Variants in PLEKHA5 observed in about 807,000 individuals in gnomAD.
PLEKHA5 encodes pleckstrin homology domain-containing family A member 5.
PLEKHA5 carries 55 observed loss-of-function variants against 181.9 expected under a neutral mutation model. The observed-to-expected ratio is 0.30, with a 90% CI of 0.24 to 0.38. The LOEUF (loss-of-function observed/expected upper bound fraction) is 0.38, where lower values mean the gene tolerates loss of function less well. PLEKHA5 is among the 10% of genes least tolerant of loss of function. PLEKHA5 has a pLI of 1.00. For missense variants in PLEKHA5, 1,432 were observed against 1,549.5 expected, an observed-to-expected ratio of 0.92 and a Z score of 1.27; for synonymous variants, 535 against 529.4, an observed-to-expected ratio of 1.01 and a Z score of -0.15.
rs570637908 is a variant in PLEKHA5, at chr12:19,314,711, T to C, written c.2038-103T>C. On this transcript the variant is annotated intron_variant, in intron 15 of 31. Coordinates refer to ENST00000429027, the MANE Select transcript of PLEKHA5 (RefSeq NM_001256470.2). ...GGGTAAAATGTAAACAACTGCACTA[T>C]TAGGAAGATATTAAAGTAGAGGCTA... 5.2e-4 allele frequency: 368 copies of C among 710,600 alleles called. 3 individuals are homozygous for C. In the South Asian group the frequency reaches 5.4e-3, roughly 10 times the overall value. The allele number at this position is 710,600 out of a possible 1,614,324, so 44.0% of individuals were successfully genotyped here.
At chr12:19,295,723 T>G (rs1019283374) in intron 15 of PLEKHA5, among the ~76,000 whole-genome samples, 6 of 152,122 alleles carry the variant, frequency 3.9e-5, no homozygotes, top group Admixed American at 3.9e-4. Context: ...GCCAAACCAT[T>G]TGATGATATT....
At chr12:19,270,690 A>G (rs10841197) in intron 10 of PLEKHA5, among the ~76,000 whole-genome samples, 131,131 of 152,138 alleles carry the variant, frequency 0.86, 58,019 homozygotes, top group Middle Eastern at 0.98. Context: ...TAAAAAATAT[A>G]TATTCCTGTA....
intron 2 of PLEKHA5, among the ~76,000 whole-genome samples, chr12:19,131,292 G>A (rs2033744123): frequency 6.6e-6 from 1 of 152,184 alleles, no homozygotes; most frequent in African/African-American, 2.4e-5. Flanking sequence ...TCTGTGAAAT[G>A]CTGGAGTTCA....
intron 2 of PLEKHA5, among the ~76,000 whole-genome samples, chr12:19,131,515 A>G (rs1297116997): frequency 6.6e-6 from 1 of 152,086 alleles, no homozygotes; most frequent in Admixed American, 6.6e-5. Flanking sequence ...TTTTATGGAT[A>G]ATGATAGATT....
At chr12:19,300,455 TA>T (rs2152908279) in intron 15 of PLEKHA5, among the ~76,000 whole-genome samples, 1 of 152,334 alleles carries the variant, frequency 6.6e-6, no homozygotes, top group African/African-American at 2.4e-5. Flanking sequence ...TACAAAATTA[TA>T]AAAGTAGCTC....
chr12:19,242,083 G>A (rs1367299972), intron 3 of PLEKHA5, among the ~76,000 whole-genome samples: 1 of 152,130 alleles, frequency 6.6e-6, no homozygotes, highest in African/African-American at 2.4e-5. Flanking sequence ...AATTTATCAA[G>A]TGATCTAAAA....
At chr12:19,202,801 C>G (rs758287260) in intron 3 of PLEKHA5, among the ~76,000 whole-genome samples, 13 of 151,722 alleles carry the variant, frequency 8.6e-5, no homozygotes, top group African/African-American at 2.4e-4. Context: ...AAGGCAGATA[C>G]GTTTAAGTCA....
chr12:19,200,818 A>G (rs1283679449), intron 3 of PLEKHA5: 1 of 369,032 alleles, frequency 2.7e-6, no homozygotes, highest in Non-Finnish European at 3.8e-6. Flanking sequence ...AGCATAAAAA[A>G]TTTTTAAAAC....
At chr12:19,160,750 G>A (rs149398311) in intron 3 of PLEKHA5, among the ~76,000 whole-genome samples, 126 of 152,120 alleles carry the variant, frequency 8.3e-4, no homozygotes, top group African/African-American at 3.0e-3. Flanking sequence ...AGCTACTGAT[G>A]AAACTTTTTT....
chr12:19,349,235 C>G (rs2094474896), intron 25 of PLEKHA5, among the ~76,000 whole-genome samples: 1 of 151,888 alleles, frequency 6.6e-6, no homozygotes, highest in South Asian at 2.1e-4. Flanking sequence ...CTCACTTCAG[C>G]CTTCCAAGTA....
chr12:19,164,890 A>G (rs2043930859), intron 3 of PLEKHA5, among the ~76,000 whole-genome samples: 1 of 152,044 alleles, frequency 6.6e-6, no homozygotes. Flanking sequence ...TCACAGACTT[A>G]TCAATTGAAG....
intron 3 of PLEKHA5, among the ~76,000 whole-genome samples, chr12:19,147,665 G>A (rs1318208465): frequency 6.6e-6 from 1 of 151,474 alleles, no homozygotes; most frequent in Non-Finnish European, 1.5e-5. Flanking sequence ...AAGGGGGATG[G>A]TGGAGAGAGA....
At chr12:19,348,804 A>G (rs2094453420) in intron 25 of PLEKHA5, among the ~76,000 whole-genome samples, 1 of 152,150 alleles carries the variant, frequency 6.6e-6, no homozygotes. Flanking sequence ...AATGCTAAAA[A>G]TAAAAGACAT....
At chr12:19,268,337 T>C (rs1565542252) in intron 8 of PLEKHA5, among the ~76,000 whole-genome samples, 1 of 152,230 alleles carries the variant, frequency 6.6e-6, no homozygotes, top group Non-Finnish European at 1.5e-5. Flanking sequence ...ATGCTATTTG[T>C]AGGACTTTTT....
chr12:19,345,187 G>A (rs1196356381), intron 22 of PLEKHA5, among the ~76,000 whole-genome samples: 1 of 151,886 alleles, frequency 6.6e-6, no homozygotes, highest in African/African-American at 2.4e-5. Context: ...ATCACCTGAG[G>A]TCAGGAGTTC....
intron 12 of PLEKHA5, among the ~76,000 whole-genome samples, chr12:19,285,190 A>G (rs1375275093): frequency 6.6e-6 from 1 of 152,240 alleles, no homozygotes; most frequent in African/African-American, 2.4e-5. Context: ...CCAAAGACTA[A>G]ATCATGATTG....
chr12:19,311,262 CA>C (rs112913366), intron 15 of PLEKHA5, among the ~76,000 whole-genome samples: 384 of 98,858 alleles, frequency 3.9e-3, no homozygotes, highest in Middle Eastern at 5.9e-3. Context: ...CCTGTCTCTG[CA>C]AAAAAAAAAA....
At chr12:19,222,345 G>A (rs1174363928) in intron 3 of PLEKHA5, among the ~76,000 whole-genome samples, 1 of 151,908 alleles carries the variant, frequency 6.6e-6, no homozygotes, top group Non-Finnish European at 1.5e-5. Flanking sequence ...AAATAATTTT[G>A]TGCTTTGTAA....
intron 7 of PLEKHA5, among the ~76,000 whole-genome samples, chr12:19,264,865 CT>C (rs2069791883): frequency 6.6e-6 from 1 of 152,110 alleles, no homozygotes; most frequent in Admixed American, 6.5e-5. Context: ...GTTTATTAGC[CT>C]GATGACACCG....
Sources: gnomAD v4.1 joint callset for allele counts (sites outside exome capture counted in the v4.1 genomes callset) on GRCh38, gnomAD v4.1.1 for gene constraint, MANE v1.5 for transcripts, NCBI Gene and HGNC (gene_info 2026-07-23, HGNC 2026-07-21) for gene names.